Variants in CRIM1 observed in about 807,000 individuals in gnomAD.
CRIM1 encodes cysteine rich transmembrane BMP regulator 1, also known as cysteine-rich motor neuron 1 protein.
CRIM1 carries 32 observed loss-of-function variants against 116.4 expected under a neutral mutation model. The ratio of observed to expected loss-of-function variants is 0.27; its 90% CI spans 0.21 to 0.37. The LOEUF (loss-of-function observed/expected upper bound fraction) is 0.37, where lower values mean the gene tolerates loss of function less well. Ranked by LOEUF, CRIM1 falls within the 10% of genes least tolerant of loss-of-function variation. CRIM1 has a pLI of 1.00. For synonymous variants in CRIM1, 590 were observed against 509.2 expected (o/e 1.16, Z -2.13); for missense variants, 1,331 against 1,354.8 (o/e 0.98, Z 0.28).
intron 4 of CRIM1, among the ~76,000 whole-genome samples, chr2:36,458,938 T>C (rs556620858): frequency 5.3e-4 from 81 of 152,314 alleles, no homozygotes; most frequent in African/African-American, 1.9e-3. Flanking sequence ...AAATTGGTAA[T>C]ATTTCTGTTC....
chr2:36,511,373 A>G (rs1377077740), intron 9 of CRIM1, among the ~76,000 whole-genome samples: 3 of 152,250 alleles, frequency 2.0e-5, no homozygotes, highest in Non-Finnish European at 4.4e-5. Flanking sequence ...GGATAATTAA[A>G]TTGGAAACAT....
intron 13 of CRIM1, among the ~76,000 whole-genome samples, chr2:36,527,486 T>C (rs565681615): frequency 6.6e-6 from 1 of 152,306 alleles, no homozygotes; most frequent in Admixed American, 6.5e-5. Flanking sequence ...TCTTCTCAAC[T>C]GGCTGTGATA....
At chr2:36,373,738 C>T (rs1436994633) in intron 1 of CRIM1, among the ~76,000 whole-genome samples, 3 of 152,146 alleles carry the variant, frequency 2.0e-5, no homozygotes, top group Non-Finnish European at 4.4e-5. Flanking sequence ...TTACAGTGGA[C>T]AGCTATGCAC....
At chr2:36,514,008 G>C (rs1664873021) in intron 11 of CRIM1, among the ~76,000 whole-genome samples, 1 of 152,202 alleles carries the variant, frequency 6.6e-6, no homozygotes, top group Non-Finnish European at 1.5e-5. Context: ...GATTGACTCA[G>C]TTATGTAAGG....
At chr2:36,533,264 T>C (rs1461867987) in intron 13 of CRIM1, among the ~76,000 whole-genome samples, 1 of 152,048 alleles carries the variant, frequency 6.6e-6, no homozygotes. Flanking sequence ...CTATGTGTCA[T>C]TGAAGGAGAC....
At chr2:36,391,560 C>G (rs140248272) in intron 1 of CRIM1, among the ~76,000 whole-genome samples, 38 of 152,222 alleles carry the variant, frequency 2.5e-4, no homozygotes, top group Non-Finnish European at 5.1e-4. Context: ...AAGAAACATT[C>G]ATTTTTATGG....
rs146317152 is a variant in CRIM1, at chr2:36,491,814, C to T, written c.1373-7405C>T. On this transcript the variant is annotated intron_variant, in intron 7 of 16. Transcript: ENST00000280527. ...TACTTAAATGTGCACACACACAAACCCGCATACCTATTAATGTAACACATT... is the reference window on the plus strand; with the variant it reads ...TACTTAAATGTGCACACACACAAACTCGCATACCTATTAATGTAACACATT... Among the ~76,000 whole-genome samples the T allele has an allele frequency of 1.3e-3, 195 of 152,244 alleles. 1 individual carries two copies. Among genetic ancestry groups the T allele is most frequent in the African/African-American group, 4.6e-3 (193 of 41,546 alleles).
chr2:36,524,279 T>C (rs1045119694), intron 13 of CRIM1, among the ~76,000 whole-genome samples: 15 of 152,210 alleles, frequency 9.9e-5, no homozygotes, highest in Admixed American at 5.2e-4. Flanking sequence ...ATATATCCAA[T>C]TTAGTGCTAC....
chr2:36,546,123 A>C (rs1216153299), intron 15 of CRIM1, among the ~76,000 whole-genome samples: 2 of 152,180 alleles, frequency 1.3e-5, no homozygotes, highest in East Asian at 1.9e-4. Flanking sequence ...TTTAGGAGTA[A>C]CTCCTTTTGA....
chr2:36,429,637 G>A (rs1674723684), intron 2 of CRIM1, among the ~76,000 whole-genome samples: 1 of 152,178 alleles, frequency 6.6e-6, no homozygotes, highest in Non-Finnish European at 1.5e-5. Context: ...AGAAGATGGT[G>A]GAGCTTACAA....
chr2:36,385,883 G>A (rs1375417872), intron 1 of CRIM1, among the ~76,000 whole-genome samples: 1 of 152,194 alleles, frequency 6.6e-6, no homozygotes. Context: ...CACATAGAAA[G>A]TGCTCAGTGA....
chr2:36,459,981 G>A (rs1246606699), intron 4 of CRIM1, among the ~76,000 whole-genome samples: 1 of 152,092 alleles, frequency 6.6e-6, no homozygotes, highest in East Asian at 1.9e-4. Context: ...TGTACTCACC[G>A]CCCTTCAGTC....
chr2:36,427,883 G>A (rs139638148), intron 2 of CRIM1, among the ~76,000 whole-genome samples: 83 of 152,282 alleles, frequency 5.5e-4, no homozygotes, highest in African/African-American at 1.8e-3. Flanking sequence ...GCGAGGCTCC[G>A]CCTGTGTGGC....
chr2:36,457,838 T>G (rs947305292), intron 4 of CRIM1, among the ~76,000 whole-genome samples: 1 of 152,220 alleles, frequency 6.6e-6, no homozygotes. Flanking sequence ...TTAATTAAAG[T>G]TGCAGCTACT....
chr2:36,379,962 G>A (rs1670616301), intron 1 of CRIM1, among the ~76,000 whole-genome samples: 1 of 151,078 alleles, frequency 6.6e-6, no homozygotes, highest in Non-Finnish European at 1.5e-5. Context: ...TTGAAGTACA[G>A]TTGATAGACT....
chr2:36,435,380 A>G (rs796279378), intron 2 of CRIM1, among the ~76,000 whole-genome samples: 21 of 152,138 alleles, frequency 1.4e-4, no homozygotes, highest in African/African-American at 5.1e-4. Flanking sequence ...GAGAGAATGA[A>G]GAACGAGAAG....
intron 8 of CRIM1, among the ~76,000 whole-genome samples, chr2:36,509,322 A>G (rs1681648285): frequency 6.6e-6 from 1 of 152,126 alleles, no homozygotes; most frequent in Admixed American, 6.5e-5. Context: ...TTCAAGAAGA[A>G]CCTGGCAACA....
chr2:36,407,703 CAAAAAA>C (rs10719018), intron 2 of CRIM1, among the ~76,000 whole-genome samples: 7 of 99,704 alleles, frequency 7.0e-5, no homozygotes, highest in African/African-American at 9.9e-5. Context: ...TTGTGCCCGT[CAAAAAA>C]AAAAAAAAAA....
chr2:36,356,573 C>G lies in CRIM1; in HGVS notation c.281C>G (p.Pro94Arg). 1 of 1,612,302 alleles carries G rather than the reference C, an allele frequency of 6.2e-7. No homozygotes were observed. The highest frequency in any genetic ancestry group is 8.5e-7 in the Non-Finnish European group (1 of 1,179,816). The change falls in exon 1 of 17, where the codon CCC becomes CGC. Residue 94 changes from proline to arginine, a missense_variant. Physicochemically the swap from Pro to Arg is moderately radical, Grantham distance 103. Transcript: ENST00000280527. The surrounding 1 kb of genome is among the most constrained non-coding windows in gnomAD (Gnocchi z 4.3). ...CDRGLRCVIR[P>R]PLNGDSLTEY... ...CGGGGGCTGCGTTGTGTCATCCGCCCCCCGCTCAATGGCGACTCCCTCACC... is the reference window on the plus strand; with the variant it reads ...CGGGGGCTGCGTTGTGTCATCCGCCGCCCGCTCAATGGCGACTCCCTCACC...
Sources: allele counts gnomAD v4.1 joint callset (sites outside exome capture counted in the v4.1 genomes callset), GRCh38; gene constraint gnomAD v4.1.1; non-coding constraint Gnocchi (gnomAD v3.1); transcripts MANE v1.5; gene names NCBI Gene and HGNC (gene_info 2026-07-23, HGNC 2026-07-21).